AFG2A: variants seen among roughly 807,000 people sequenced by gnomAD.
AFG2A encodes AAA ATPase AFG2A, also known as ATPase family gene 2 protein homolog A.
At chr4:123,238,452 G>T in the AFG2A span, among the ~76,000 whole-genome samples, 1 of 152,116 alleles carries the variant, frequency 6.6e-6, no homozygotes, top group African/African-American at 2.4e-5. Flanking sequence ...CATACAGGCG[G>T]GTTTCCCTCT....
chr4:123,030,720 T>TTTCAAATTA, the AFG2A span, among the ~76,000 whole-genome samples: 1 of 152,232 alleles, frequency 6.6e-6, no homozygotes, highest in Non-Finnish European at 1.5e-5. Flanking sequence ...GGTTTTTATT[T>TTTCAAATTA]TTCAAATTGA....
the AFG2A span, among the ~76,000 whole-genome samples, chr4:123,017,148 A>T: frequency 2.7e-5 from 2 of 73,284 alleles, no homozygotes; most frequent in Non-Finnish European, 6.3e-5. Context: ...GGAGAGGGAG[A>T]GGGGGGAGAG....
chr4:123,026,954 A>T, the AFG2A span, among the ~76,000 whole-genome samples: 2 of 152,116 alleles, frequency 1.3e-5, no homozygotes, highest in Non-Finnish European at 2.9e-5. Context: ...CCGAGTCTGA[A>T]TCCTGAATAT....
chr4:123,120,371 TA>T, the AFG2A span, among the ~76,000 whole-genome samples: 2 of 151,894 alleles, frequency 1.3e-5, no homozygotes, highest in Admixed American at 6.6e-5. Flanking sequence ...AATTAAGGGC[TA>T]AAAAAAAGAG....
At chr4:122,996,570 C>CAGATAGATAGATAGATAGATAGATAGAT in the AFG2A span, among the ~76,000 whole-genome samples, 1 of 139,642 alleles carries the variant, frequency 7.2e-6, no homozygotes, top group East Asian at 2.2e-4. Flanking sequence ...GGTAGGTAGG[C>CAGATAGATAGATAGATAGATAGATAGAT]AGATAGATAG....
the AFG2A span, among the ~76,000 whole-genome samples, chr4:123,248,555 G>T: frequency 1.9e-3 from 290 of 152,232 alleles, no homozygotes; most frequent in Non-Finnish European, 3.1e-3. Context: ...GGAATGTTCT[G>T]GGCCTCTGTA....
At chr4:123,184,166 G>A in the AFG2A span, among the ~76,000 whole-genome samples, 1 of 151,980 alleles carries the variant, frequency 6.6e-6, no homozygotes, top group African/African-American at 2.4e-5. Context: ...AAAAATATGA[G>A]ATATACATGT....
the AFG2A span, among the ~76,000 whole-genome samples, chr4:122,931,795 C>T: frequency 2.6e-5 from 4 of 152,300 alleles, no homozygotes; most frequent in East Asian, 5.8e-4. Flanking sequence ...CCTCATCCTA[C>T]ATGGTAACAT....
chr4:123,293,492 T>C, the AFG2A span, among the ~76,000 whole-genome samples: 1 of 152,188 alleles, frequency 6.6e-6, no homozygotes, highest in Non-Finnish European at 1.5e-5. Flanking sequence ...CTGTAAATAC[T>C]GCTGCTTCTC....
the AFG2A span, among the ~76,000 whole-genome samples, chr4:123,237,676 A>G: frequency 6.0e-5 from 8 of 132,878 alleles, no homozygotes; most frequent in Non-Finnish European, 7.6e-5. Context: ...TTGTCTCAAA[A>G]AAAAAAAAAA....
the AFG2A span, among the ~76,000 whole-genome samples, chr4:123,167,761 G>A: frequency 1.3e-5 from 2 of 152,146 alleles, no homozygotes; most frequent in Non-Finnish European, 2.9e-5. Flanking sequence ...ATTAAATGCT[G>A]CCACCTTCCA....
chr4:123,199,758 C>T, the AFG2A span, among the ~76,000 whole-genome samples: 3 of 152,078 alleles, frequency 2.0e-5, no homozygotes, highest in African/African-American at 7.2e-5. Context: ...GCATGAGCCA[C>T]CACACCCGGC....
At chr4:123,014,384 C>A in the AFG2A span, among the ~76,000 whole-genome samples, 1 of 151,886 alleles carries the variant, frequency 6.6e-6, no homozygotes, top group Non-Finnish European at 1.5e-5. Context: ...TTTTAAGTTT[C>A]CATTTTTTAT....
chr4:123,288,228 G>A, the AFG2A span, among the ~76,000 whole-genome samples: 1 of 152,116 alleles, frequency 6.6e-6, no homozygotes, highest in Non-Finnish European at 1.5e-5. Flanking sequence ...AATGAAGAGA[G>A]CTCTTCCAAG....
chr4:123,222,699 C>G, the AFG2A span, among the ~76,000 whole-genome samples: 1 of 152,080 alleles, frequency 6.6e-6, no homozygotes, highest in East Asian at 1.9e-4. Context: ...CTCATTTCCC[C>G]CTCTCCCCAG....
At chr4:123,093,599 TC>T in the AFG2A span, among the ~76,000 whole-genome samples, 1 of 152,206 alleles carries the variant, frequency 6.6e-6, no homozygotes. Context: ...CTTGTTGGTC[TC>T]CTACCTTATT....
the AFG2A span, among the ~76,000 whole-genome samples, chr4:122,949,210 A>G: frequency 1.2e-4 from 19 of 152,150 alleles, no homozygotes; most frequent in Non-Finnish European, 2.4e-4. Context: ...GCAATTTTAC[A>G]AAGAAGGGTG....
the AFG2A span, among the ~76,000 whole-genome samples, chr4:123,055,128 T>G: frequency 6.6e-6 from 1 of 152,190 alleles, no homozygotes; most frequent in African/African-American, 2.4e-5. Flanking sequence ...GTGTAGTAAA[T>G]TCTTATATCA....
the AFG2A span, among the ~76,000 whole-genome samples, chr4:123,166,985 A>G: frequency 0.022 from 3,325 of 152,122 alleles, 66 homozygotes; most frequent in Non-Finnish European, 0.035. Flanking sequence ...TCTGCCACTC[A>G]TTTACACTGT....
Sources: allele counts gnomAD v4.1 joint callset (sites outside exome capture counted in the v4.1 genomes callset), GRCh38; gene constraint gnomAD v4.1.1; transcripts MANE v1.5; gene names NCBI Gene and HGNC (gene_info 2026-07-23, HGNC 2026-07-21).